Variants in NRXN1 observed in about 807,000 individuals in gnomAD.
NRXN1 encodes the protein neurexin-1.
NRXN1 carries 39 observed loss-of-function variants against 150.9 expected under a neutral mutation model. That is an observed-to-expected ratio of 0.26 (90% CI 0.20 to 0.34). The LOEUF is 0.34. NRXN1 is among the 10% of genes least tolerant of loss of function. The probability of loss-of-function intolerance (pLI) is 1.00; values close to 1 mark genes in which losing one functional copy is unlikely to be tolerated. For synonymous variants in NRXN1, 924 were observed against 757.0 expected (o/e 1.22, Z -3.62); for missense variants, 1,815 against 1,949.9 (o/e 0.93, Z 1.30).
At chr2:50,487,114 C>T (rs578113445) in intron 15 of NRXN1, among the ~76,000 whole-genome samples, 6 of 152,132 alleles carry the variant, frequency 3.9e-5, no homozygotes, top group Non-Finnish European at 8.8e-5. Context: ...GCAACTTCAT[C>T]AGTTTGTCAC....
chr2:50,209,796 T>C (rs2062875775), intron 18 of NRXN1, among the ~76,000 whole-genome samples: 2 of 151,570 alleles, frequency 1.3e-5, no homozygotes, highest in Admixed American at 1.3e-4. Context: ...TTTACACTTG[T>C]TGCAATAAAA....
intron 5 of NRXN1, among the ~76,000 whole-genome samples, chr2:50,655,721 A>G (rs1187008749): frequency 6.6e-6 from 1 of 151,832 alleles, no homozygotes; most frequent in East Asian, 1.9e-4. Flanking sequence ...GTATTTTGAA[A>G]ACTGGGACAT....
In NRXN1 at chr2:50,115,240, T is replaced by C. The variant is rs142789274; in HGVS notation, c.3547-23746A>G. ...GTGTATATATATATATATATATATA[T>C]ACACACACACACATATATATAATAA... On this transcript the variant is annotated intron_variant, in intron 18 of 22. Coordinates refer to ENST00000401669, the MANE Select transcript of NRXN1 (RefSeq NM_001330078.2). 9.8e-3 allele frequency among the ~76,000 whole-genome samples: 1,318 copies of C among 133,952 alleles called. 14 individuals are homozygous for C. The highest frequency in any genetic ancestry group is 0.023 in the African/African-American group (837 of 37,120). 87.9% of individuals were successfully genotyped at this position (133,952 alleles called of 152,430 possible).
intron 5 of NRXN1, among the ~76,000 whole-genome samples, chr2:50,870,534 C>T (rs1677623608): frequency 6.6e-6 from 1 of 151,908 alleles, no homozygotes; most frequent in Non-Finnish European, 1.5e-5. Context: ...TCTGCATTTG[C>T]AACTTACTAT....
intron 18 of NRXN1, among the ~76,000 whole-genome samples, chr2:50,212,949 T>C (rs2063139220): frequency 6.6e-6 from 1 of 151,962 alleles, no homozygotes; most frequent in African/African-American, 2.4e-5. Flanking sequence ...CAGGCTTTAG[T>C]ATGGGAAACA....
At chr2:50,673,060 C>T (rs2104740987) in intron 5 of NRXN1, among the ~76,000 whole-genome samples, 1 of 152,070 alleles carries the variant, frequency 6.6e-6, no homozygotes, top group Admixed American at 6.6e-5. Flanking sequence ...CAGACAATAA[C>T]AGTGGGCAAT....
rs567944702 is a variant in NRXN1 at position 50,581,170 on chromosome 2, A to G, written c.1321-28145T>C. Among the ~76,000 whole-genome samples, 8 of 152,284 alleles carry G rather than the reference A, an allele frequency of 5.3e-5. No individual in the cohort carries two copies. The South Asian group carries it at 1.7e-3, about 32-fold the overall frequency. On this transcript the variant is annotated intron_variant, in intron 8 of 22. Coordinates refer to ENST00000401669, the MANE Select transcript of NRXN1 (RefSeq NM_001330078.2). ...TCCCTAAGGACAGTGATTTTTGTCT[A>G]TCTGCTGTATTTCTTGAATTCTATT...
chr2:49,946,012 A>C (rs879357606), intron 21 of NRXN1, among the ~76,000 whole-genome samples: 6 of 152,156 alleles, frequency 3.9e-5, no homozygotes, highest in African/African-American at 7.2e-5. Flanking sequence ...CAACAGTGTA[A>C]AAGCATTCCT....
In NRXN1 at chr2:50,219,892, T is replaced by C. The variant is rs1489290645; in HGVS notation, c.3546+16897A>G. Reference sequence around the variant, plus strand: ...CCTTGTGACTATATATACATATATATACACACACATATATATATAAAATCT... The same window carrying C: ...CCTTGTGACTATATATACATATATACACACACACATATATATATAAAATCT... On this transcript the variant is annotated intron_variant, in intron 18 of 22. Transcript: ENST00000401669. 4.3e-5 allele frequency among the ~76,000 whole-genome samples: 4 copies of C among 93,346 alleles called. No homozygotes were observed. The East Asian group carries it at 1.0e-3, about 24-fold the overall frequency. 61.2% of individuals were successfully genotyped at this position (93,346 alleles called of 152,430 possible).
rs145384882 is a variant in NRXN1 at position 50,053,171 on chromosome 2, T to C, written c.4128+100A>G. 561 of 1,221,126 alleles carry C rather than the reference T, an allele frequency of 4.6e-4. 3 individuals carry two copies. The African/African-American group carries it at 7.7e-3, about 17-fold the overall frequency. The allele number at this position is 1,221,126 out of a possible 1,614,324, so 75.6% of individuals were successfully genotyped here. A position where few individuals can be genotyped will look rare whatever the true frequency, so the allele number is the denominator to read the frequency against. Reference sequence around the variant, plus strand: ...TCAAAGGAAGCTGTAGTGCCTAAGATCAGAAAAATGTTCCAATTTAGAAAA... The same window carrying C: ...TCAAAGGAAGCTGTAGTGCCTAAGACCAGAAAAATGTTCCAATTTAGAAAA... On this transcript the variant is annotated intron_variant, in intron 21 of 22. Transcript: ENST00000401669.
chr2:50,725,472 G>T (rs567098399), intron 5 of NRXN1, among the ~76,000 whole-genome samples: 146 of 152,098 alleles, frequency 9.6e-4, no homozygotes, highest in Non-Finnish European at 1.5e-3. Context: ...CTGATTACAG[G>T]TATTGTAAAG....
intron 15 of NRXN1, among the ~76,000 whole-genome samples, chr2:50,475,233 G>C (rs949136822): frequency 5.3e-5 from 8 of 151,952 alleles, no homozygotes; most frequent in African/African-American, 1.9e-4. Context: ...ATTATGTATA[G>C]AATACTATAT....
In NRXN1 at chr2:50,827,128, C is replaced by T. The variant is rs114015116; in HGVS notation, c.832+94741G>A. 4.9e-3 allele frequency among the ~76,000 whole-genome samples: 749 copies of T among 152,254 alleles called. 7 individuals carry two copies. The highest frequency in any genetic ancestry group is 0.017 in the African/African-American group (721 of 41,530). ...ACAGAAATGTGATCACTGGATTTGG[C>T]GCATAGTGACCTTGGTAACAGTCTA... On this transcript the variant is annotated intron_variant, in intron 5 of 22. Transcript: ENST00000401669.
intron 5 of NRXN1, among the ~76,000 whole-genome samples, chr2:50,662,383 A>T (rs1485771813): frequency 6.6e-6 from 1 of 151,956 alleles, no homozygotes; most frequent in Non-Finnish European, 1.5e-5. Flanking sequence ...GCCAAGTATG[A>T]ATGGTTAACA....
chr2:50,412,892 G>A (rs1207173953), intron 17 of NRXN1, among the ~76,000 whole-genome samples: 1 of 152,154 alleles, frequency 6.6e-6, no homozygotes, highest in Non-Finnish European at 1.5e-5. Context: ...GCAGAAGAAC[G>A]AAGCTAGACC....
chr2:50,298,407 T>C (rs2073834411), intron 17 of NRXN1, among the ~76,000 whole-genome samples: 1 of 152,154 alleles, frequency 6.6e-6, no homozygotes, highest in South Asian at 2.1e-4. Context: ...TCTTGAACAC[T>C]TGCCAGGATG....
intron 17 of NRXN1, among the ~76,000 whole-genome samples, chr2:50,272,629 G>A (rs776841378): frequency 3.9e-5 from 6 of 151,988 alleles, no homozygotes; most frequent in African/African-American, 4.8e-5. Context: ...AAATGGAAGA[G>A]TAAATAAAAC....
At chr2:50,312,717 C>A in intron 17 of NRXN1, 1 of 515,560 alleles carries the variant, frequency 1.9e-6, no homozygotes, top group Non-Finnish European at 3.9e-6. Context: ...GAAAATGCTT[C>A]TATCAGATTT....
At chr2:50,709,218 C>G (rs1032995038) in intron 5 of NRXN1, among the ~76,000 whole-genome samples, 2 of 152,094 alleles carry the variant, frequency 1.3e-5, no homozygotes, top group African/African-American at 4.8e-5. Flanking sequence ...CACATTTATT[C>G]AACAAATACT....
Sources: allele counts gnomAD v4.1 joint callset (sites outside exome capture counted in the v4.1 genomes callset), GRCh38; gene constraint gnomAD v4.1.1; transcripts MANE v1.5; gene names NCBI Gene and HGNC (gene_info 2026-07-23, HGNC 2026-07-21).